The following AAK1 variants were observed in gnomAD, a reference collection of about 807,000 sequenced individuals.
AAK1 encodes AP2-associated protein kinase 1.
A neutral mutation model predicts 116.0 loss-of-function variants in AAK1; 37 were observed. The observed-to-expected ratio is 0.32, with a 90% confidence interval of 0.25 to 0.42. The LOEUF (loss-of-function observed/expected upper bound fraction) is 0.42, where lower values mean the gene tolerates loss of function less well. Among genes scored for constraint, AAK1 ranks in the 10% least tolerant of loss-of-function variants. The pLI, the probability that AAK1 is intolerant of heterozygous loss-of-function variation, is 1.00. For synonymous variants in AAK1, 458 were observed against 439.9 expected, an observed-to-expected ratio of 1.04 and a Z score of -0.51; for missense variants, 919 against 1,170.6, an observed-to-expected ratio of 0.79 and a Z score of 3.14.
At chr2:69,560,401 C>T (rs1671584311) in intron 2 of AAK1, among the ~76,000 whole-genome samples, 1 of 152,208 alleles carries the variant, frequency 6.6e-6, no homozygotes, top group Non-Finnish European at 1.5e-5. Context: ...GCCTGAGTTG[C>T]ATCCCAAGAT....
At chr2:69,486,686 A>G (rs1452179946) in intron 17 of AAK1, among the ~76,000 whole-genome samples, 1 of 152,162 alleles carries the variant, frequency 6.6e-6, no homozygotes, top group Non-Finnish European at 1.5e-5. Context: ...AATATCAAAT[A>G]TTTTCATTCA....
chr2:69,459,274 GTT>G lies in AAK1; in HGVS notation c.*16593_*16594del, dbSNP rs992970169. 1 of 152,024 alleles carries G rather than the reference GTT, an allele frequency of 6.6e-6. No individual in the cohort carries two copies. The highest frequency in any genetic ancestry group is 2.4e-5 in the African/African-American group (1 of 41,374). The allele number at this position is 152,024 out of a possible 1,614,324, so 9.4% of individuals were successfully genotyped here. A position where few individuals can be genotyped will look rare whatever the true frequency, so the allele number is the denominator to read the frequency against. Reference sequence around the variant, plus strand: ...CATTCATTCATGTTTTGTTTGTTTTGTTTTTTTGAGACAGGGTCTGGCTCTAT... The same window carrying G: ...CATTCATTCATGTTTTGTTTGTTTTGTTTTTGAGACAGGGTCTGGCTCTAT... On this transcript the variant is annotated 3_prime_UTR_variant, in exon 22 of 22. Coordinates refer to ENST00000409085, the MANE Select transcript of AAK1 (RefSeq NM_014911.5).
rs375078382 is a variant in AAK1, at chr2:69,642,955, C to A, written c.86G>T (p.Gly29Val). Residue 29 changes from glycine (G) to valine (V), a missense_variant, in exon 2 of 22, where the codon GGC becomes GTC. By Grantham distance (109) the Gly-to-Val change is moderately radical (BLOSUM62 -3). Transcript: ENST00000409085. ...TCTTCCGATGTAGCCACTGCCCAGG[C>A]CCGAGGTGCTGCCCCCTCCTCCGCT... ...GSSGGGGSTS[G>V]LGSGYIGRVF... 2 of 1,613,756 alleles carry A rather than the reference C, an allele frequency of 1.2e-6. No homozygotes were observed. Among genetic ancestry groups the A allele is most frequent in the Non-Finnish European group, 1.7e-6 (2 of 1,179,850 alleles).
In AAK1 at chr2:69,470,200, G is replaced by C; in HGVS notation, c.*5669C>G. 1 of 985,434 alleles carries C rather than the reference G, an allele frequency of 1.0e-6. No individual in the cohort carries two copies. 61.0% of individuals were successfully genotyped at this position (985,434 alleles called of 1,614,324 possible). Reference sequence around the variant, plus strand: ...AAAACTGAAAGAACGGTTACAGGGAGTATCAAAGATATGATTCTTGCCAAA... The same window carrying C: ...AAAACTGAAAGAACGGTTACAGGGACTATCAAAGATATGATTCTTGCCAAA... On this transcript the variant is annotated 3_prime_UTR_variant, in exon 22 of 22. Coordinates refer to ENST00000409085, the MANE Select transcript of AAK1 (RefSeq NM_014911.5).
chr2:69,540,112 C>T (rs1670641645), intron 5 of AAK1, among the ~76,000 whole-genome samples: 1 of 149,932 alleles, frequency 6.7e-6, no homozygotes, highest in Non-Finnish European at 1.5e-5. Flanking sequence ...CATTCCCTGC[C>T]CCACTTGCCT....
intron 2 of AAK1, among the ~76,000 whole-genome samples, chr2:69,587,910 G>T (rs72895377): frequency 6.6e-6 from 1 of 151,862 alleles, no homozygotes; most frequent in African/African-American, 2.4e-5. Flanking sequence ...ACCATGCCAG[G>T]CCTCATTTCT....
intron 3 of AAK1, among the ~76,000 whole-genome samples, chr2:69,551,798 C>T (rs1671193798): frequency 6.6e-6 from 1 of 152,228 alleles, no homozygotes; most frequent in Non-Finnish European, 1.5e-5. Flanking sequence ...TCTATCAGAG[C>T]ACACATCCCA....
chr2:69,578,230 G>GT (rs1672394816), intron 2 of AAK1, among the ~76,000 whole-genome samples: 1 of 152,196 alleles, frequency 6.6e-6, no homozygotes, highest in Non-Finnish European at 1.5e-5. Flanking sequence ...TGCGGAAAAT[G>GT]TTTTCAGTGA....
rs1339658689 is a variant in AAK1 at position 69,526,174 on chromosome 2, A to G, written c.975+1042T>C. Reference sequence around the variant, plus strand: ...TTAAAGAAGAGCTGGTCCCCCAGGAATCAGGTGTTTACATTTCAGTCATGT... The same window carrying G: ...TTAAAGAAGAGCTGGTCCCCCAGGAGTCAGGTGTTTACATTTCAGTCATGT... On this transcript the variant is annotated intron_variant, in intron 9 of 21. Transcript: ENST00000409085. 3.3e-5 allele frequency among the ~76,000 whole-genome samples: 5 copies of G among 152,194 alleles called. No individual in the cohort carries two copies. The East Asian group carries it at 7.7e-4, about 23-fold the overall frequency.
intron 2 of AAK1, among the ~76,000 whole-genome samples, chr2:69,578,489 CTGA>C (rs1672405586): frequency 6.6e-6 from 1 of 152,180 alleles, no homozygotes; most frequent in Non-Finnish European, 1.5e-5. Context: ...ACTTTTTTAT[CTGA>C]AGCTATTTCC....
At chr2:69,640,592 T>C (rs973592230) in intron 2 of AAK1, among the ~76,000 whole-genome samples, 1 of 152,220 alleles carries the variant, frequency 6.6e-6, no homozygotes, top group African/African-American at 2.4e-5. Context: ...ATAGGGTCTT[T>C]GGACTTGGTA....
rs1674688999 is a variant in AAK1 at position 69,471,738 on chromosome 2, T to C, written c.*4131A>G. The C allele has an allele frequency of 2.0e-6, 2 of 985,346 alleles. No individual in the cohort carries two copies. The highest frequency in any genetic ancestry group is 3.5e-5 in the African/African-American group (2 of 57,250). The allele number at this position is 985,346 out of a possible 1,614,324, so 61.0% of individuals were successfully genotyped here. A position where few individuals can be genotyped will look rare whatever the true frequency, so the allele number is the denominator to read the frequency against. Reference sequence around the variant, plus strand: ...TATAGCATGTATTTATTTAGCTGAGTGCAGATCCCTCCACATCATAGGCTG... The same window carrying C: ...TATAGCATGTATTTATTTAGCTGAGCGCAGATCCCTCCACATCATAGGCTG... On this transcript the variant is annotated 3_prime_UTR_variant, in exon 22 of 22. Coordinates refer to ENST00000409085, the MANE Select transcript of AAK1 (RefSeq NM_014911.5).
At chr2:69,634,457 G>A (rs1675360717) in intron 2 of AAK1, among the ~76,000 whole-genome samples, 1 of 152,230 alleles carries the variant, frequency 6.6e-6, no homozygotes, top group South Asian at 2.1e-4. Context: ...AGAGCAGCTT[G>A]TCCTGCCAGT....
At chr2:69,550,777 G>A (rs1390204110) in intron 3 of AAK1, among the ~76,000 whole-genome samples, 4 of 151,920 alleles carry the variant, frequency 2.6e-5, no homozygotes, top group Admixed American at 6.6e-5. Context: ...AATCACGCCC[G>A]GCTAATTTTT....
chr2:69,476,962 A>C lies in AAK1; in HGVS notation c.2709T>G (p.Gly903=). The change falls in exon 21 of 22, where the codon GGT becomes GGG. Residue 903 remains glycine (G), a synonymous_variant. Coordinates refer to ENST00000409085, the MANE Select transcript of AAK1 (RefSeq NM_014911.5). Reference sequence around the variant, plus strand: ...TGTCCGAGCCCTCAGGGACATCAAAACCTGAGATGAGATTACTATCTTCTG... The same window carrying C: ...TGTCCGAGCCCTCAGGGACATCAAACCCTGAGATGAGATTACTATCTTCTG... ...KAAEDSNLIS[G]FDVPEGSDKV... The C allele has an allele frequency of 6.2e-7, 1 of 1,613,070 alleles. No homozygotes were observed.
chr2:69,592,065 C>A (rs949082473), intron 2 of AAK1, among the ~76,000 whole-genome samples: 9 of 152,094 alleles, frequency 5.9e-5, no homozygotes, highest in African/African-American at 1.2e-4. Flanking sequence ...GCAGAAGAAC[C>A]AAGATCTTTC....
At chr2:69,504,415 A>G (rs1401901706) in intron 16 of AAK1, among the ~76,000 whole-genome samples, 2 of 147,322 alleles carry the variant, frequency 1.4e-5, no homozygotes, top group East Asian at 4.1e-4. Flanking sequence ...AAAAAAAAAA[A>G]AAAAAGATGC....
At chr2:69,485,661 T>C (rs973264172) in intron 17 of AAK1, among the ~76,000 whole-genome samples, 14 of 145,142 alleles carry the variant, frequency 9.6e-5, no homozygotes, top group Middle Eastern at 3.4e-3. Flanking sequence ...AAATCTCTCT[T>C]TTTTTTTTTT....
chr2:69,588,005 C>G (rs1672865829), intron 2 of AAK1, among the ~76,000 whole-genome samples: 2 of 152,112 alleles, frequency 1.3e-5, no homozygotes, highest in African/African-American at 4.8e-5. Context: ...TCAAGCGATC[C>G]TCCTACCTCA....
Sources: allele counts gnomAD v4.1 joint callset (sites outside exome capture counted in the v4.1 genomes callset), GRCh38; gene constraint gnomAD v4.1.1; transcripts MANE v1.5; gene names NCBI Gene and HGNC (gene_info 2026-07-23, HGNC 2026-07-21).